HPSE2: variants seen among roughly 807,000 people sequenced by gnomAD.
The protein encoded by HPSE2 is inactive heparanase-2.
Under a neutral mutation model 60.5 loss-of-function variants are expected in HPSE2, and 38 were observed. That is an observed-to-expected ratio of 0.63 (90% CI 0.48 to 0.82). The LOEUF (loss-of-function observed/expected upper bound fraction) is 0.82, where lower values mean the gene tolerates loss of function less well. Ranked by LOEUF, HPSE2 falls within the 40% of genes least tolerant of loss-of-function variation. The probability of loss-of-function intolerance (pLI) is 0.00; values close to 1 mark genes in which losing one functional copy is unlikely to be tolerated. For synonymous variants in HPSE2, 295 were observed against 293.2 expected, an observed-to-expected ratio of 1.01 and a Z score of -0.06; for missense variants, 713 against 740.4, an observed-to-expected ratio of 0.96 and a Z score of 0.43.
intron 9 of HPSE2, among the ~76,000 whole-genome samples, chr10:98,558,909 G>C (rs1418315418): frequency 6.6e-6 from 1 of 152,204 alleles, no homozygotes; most frequent in African/African-American, 2.4e-5. Flanking sequence ...GCTGAGCAGA[G>C]GCCGTACCCT....
the HPSE2 span, among the ~76,000 whole-genome samples, chr10:99,302,588 G>C: frequency 6.6e-6 from 1 of 152,110 alleles, no homozygotes; most frequent in African/African-American, 2.4e-5. Flanking sequence ...GGGCAGAACA[G>C]AAAGGCTTAC....
chr10:98,920,751 C>A (rs1954259483), intron 3 of HPSE2, among the ~76,000 whole-genome samples: 1 of 152,176 alleles, frequency 6.6e-6, no homozygotes, highest in South Asian at 2.1e-4. Flanking sequence ...AGTGAAAACT[C>A]TATTCCATAA....
At chr10:99,252,966 T>TA in the HPSE2 span, among the ~76,000 whole-genome samples, 4 of 150,898 alleles carry the variant, frequency 2.7e-5, no homozygotes, top group Admixed American at 1.3e-4. Context: ...AAAACACTGC[T>TA]AAAAGCAATC....
At chr10:98,559,952 T>G (rs561664378) in intron 9 of HPSE2, among the ~76,000 whole-genome samples, 5 of 152,132 alleles carry the variant, frequency 3.3e-5, no homozygotes, top group Non-Finnish European at 7.3e-5. Flanking sequence ...AGAGTATGTA[T>G]TTCACTGTGC....
intron 9 of HPSE2, among the ~76,000 whole-genome samples, chr10:98,604,355 A>T (rs146600983): frequency 1.1e-3 from 173 of 152,276 alleles, no homozygotes; most frequent in African/African-American, 4.1e-3. Context: ...CAAATGAAGA[A>T]TGCCCTTGAT....
At chr10:98,835,055 G>A (rs1032007790) in intron 3 of HPSE2, among the ~76,000 whole-genome samples, 6 of 152,116 alleles carry the variant, frequency 3.9e-5, no homozygotes, top group African/African-American at 7.2e-5. Context: ...TGCTTTTGGC[G>A]GGGGAAGGGG....
chr10:99,151,129 A>G (rs1242661020), intron 2 of HPSE2, among the ~76,000 whole-genome samples: 3 of 152,120 alleles, frequency 2.0e-5, no homozygotes, highest in Non-Finnish European at 2.9e-5. Context: ...ATTGTCATGG[A>G]AAAAAAGAAC....
At chr10:99,182,225 C>T (rs1847805962) in intron 2 of HPSE2, among the ~76,000 whole-genome samples, 1 of 152,170 alleles carries the variant, frequency 6.6e-6, no homozygotes, top group Non-Finnish European at 1.5e-5. Flanking sequence ...TCCTCAACTC[C>T]TCCAAATCCT....
chr10:99,272,742 T>G, the HPSE2 span, among the ~76,000 whole-genome samples: 2 of 152,046 alleles, frequency 1.3e-5, no homozygotes, highest in Non-Finnish European at 2.9e-5. Context: ...CTCCTGCAAG[T>G]GTGGGCATAA....
the HPSE2 span, among the ~76,000 whole-genome samples, chr10:99,258,111 A>G: frequency 2.0e-5 from 3 of 152,044 alleles, no homozygotes; most frequent in Admixed American, 6.5e-5. Flanking sequence ...ACTGCACTCC[A>G]GCCTGGTGAC....
At chr10:98,463,474 G>A (rs1940393340) in intron 11 of HPSE2, among the ~76,000 whole-genome samples, 1 of 152,232 alleles carries the variant, frequency 6.6e-6, no homozygotes, top group South Asian at 2.1e-4. Context: ...AATGTAAGTA[G>A]ATATTGTTGG....
chr10:98,959,542 T>A (rs748962605), intron 3 of HPSE2, among the ~76,000 whole-genome samples: 3 of 152,084 alleles, frequency 2.0e-5, no homozygotes, highest in Non-Finnish European at 4.4e-5. Flanking sequence ...CCCAAAACGT[T>A]TTGTGAAATG....
At chr10:98,517,475 G>A (rs746114967) in intron 9 of HPSE2, among the ~76,000 whole-genome samples, 2 of 152,126 alleles carry the variant, frequency 1.3e-5, no homozygotes, top group South Asian at 2.1e-4. Context: ...AAATACACAC[G>A]TGGACACATG....
intron 3 of HPSE2, among the ~76,000 whole-genome samples, chr10:98,789,430 G>A (rs568055537): frequency 3.3e-5 from 5 of 152,290 alleles, no homozygotes; most frequent in African/African-American, 7.2e-5. Flanking sequence ...ATTAAGGATC[G>A]ACAACTTTGA....
intron 2 of HPSE2, among the ~76,000 whole-genome samples, chr10:99,227,787 G>C (rs1849517564): frequency 6.7e-6 from 1 of 149,296 alleles, no homozygotes. Context: ...TTGCATTCTA[G>C]ATGGAAAGGT....
chr10:98,907,999 C>A (rs551709390), intron 3 of HPSE2, among the ~76,000 whole-genome samples: 1 of 152,260 alleles, frequency 6.6e-6, no homozygotes, highest in African/African-American at 2.4e-5. Context: ...TCAGAACACT[C>A]ATTATCAAGT....
At chr10:98,726,370 T>C (rs1277732913) in intron 4 of HPSE2, among the ~76,000 whole-genome samples, 1 of 150,368 alleles carries the variant, frequency 6.7e-6, no homozygotes, top group African/African-American at 2.5e-5. Flanking sequence ...TCATTCTCAG[T>C]AAACTATGAC....
intron 3 of HPSE2, among the ~76,000 whole-genome samples, chr10:98,989,055 C>A (rs1266937600): frequency 6.4e-4 from 97 of 151,154 alleles, no homozygotes; most frequent in African/African-American, 1.9e-3. Context: ...GTGGGACTGT[C>A]AACTAGTTCA....
At chr10:99,235,253 AT>A (rs1387239394) in intron 1 of HPSE2, among the ~76,000 whole-genome samples, 1 of 152,066 alleles carries the variant, frequency 6.6e-6, no homozygotes, top group Non-Finnish European at 1.5e-5. Context: ...TAAGCACAAC[AT>A]TTTTTCAGTC....
Sources: gnomAD v4.1 joint callset for allele counts (sites outside exome capture counted in the v4.1 genomes callset) on GRCh38, gnomAD v4.1.1 for gene constraint, MANE v1.5 for transcripts, NCBI Gene and HGNC (gene_info 2026-07-23, HGNC 2026-07-21) for gene names.